The following DOCK1 variants were observed in gnomAD, a reference collection of about 807,000 sequenced individuals.
DOCK1 encodes the protein dedicator of cytokinesis 1.
In DOCK1, 138 loss-of-function variants were observed where a neutral mutation model predicts 262.7. The observed-to-expected ratio is 0.53, with a 90% confidence interval of 0.46 to 0.61. The LOEUF is 0.61. Among genes scored for constraint, DOCK1 ranks in the 20% least tolerant of loss-of-function variants. The pLI is 0.00. For synonymous variants in DOCK1, 866 were observed against 867.4 expected (o/e 1.00, Z 0.03); for missense variants, 1,908 against 2,370.7 (o/e 0.80, Z 4.05).
intron 29 of DOCK1, among the ~76,000 whole-genome samples, chr10:127,273,740 G>A (rs976948925): frequency 1.3e-5 from 2 of 152,060 alleles, no homozygotes; most frequent in African/African-American, 4.8e-5. Flanking sequence ...AAAGTTAGCC[G>A]GGTGCGATGG....
At chr10:127,433,737 G>A (rs1044291718) in intron 48 of DOCK1, among the ~76,000 whole-genome samples, 10 of 151,988 alleles carry the variant, frequency 6.6e-5, no homozygotes, top group Non-Finnish European at 1.5e-4. Flanking sequence ...GTCCACCCGC[G>A]GCCCACGGGC....
At chr10:127,367,329 T>C (rs1004238333) in intron 33 of DOCK1, among the ~76,000 whole-genome samples, 1 of 152,130 alleles carries the variant, frequency 6.6e-6, no homozygotes, top group African/African-American at 2.4e-5. Flanking sequence ...TCCTTCGGAA[T>C]AGGCTCAGCC....
At chr10:127,449,216 T>G (rs10830067) in intron 51 of DOCK1, among the ~76,000 whole-genome samples, 1 of 151,974 alleles carries the variant, frequency 6.6e-6, no homozygotes, top group Non-Finnish European at 1.5e-5. Context: ...CTTGTGAGAG[T>G]AAAAGGAGAT....
At chr10:127,150,049 G>A (rs1040296857) in intron 27 of DOCK1, among the ~76,000 whole-genome samples, 1 of 152,190 alleles carries the variant, frequency 6.6e-6, no homozygotes, top group African/African-American at 2.4e-5. Context: ...GGACTTGGCT[G>A]TAAGTTTGCA....
intron 35 of DOCK1, among the ~76,000 whole-genome samples, chr10:127,375,949 A>G (rs1252031677): frequency 6.6e-6 from 1 of 152,230 alleles, no homozygotes; most frequent in Non-Finnish European, 1.5e-5. Flanking sequence ...GATACAGAGA[A>G]CCACAGAGTG....
chr10:127,201,037 T>C (rs1402963024), intron 27 of DOCK1, among the ~76,000 whole-genome samples: 1 of 152,224 alleles, frequency 6.6e-6, no homozygotes, highest in Non-Finnish European at 1.5e-5. Flanking sequence ...CAGCCAGTGC[T>C]CAACGCCTAC....
chr10:127,273,158 G>T (rs1010759706), intron 29 of DOCK1, among the ~76,000 whole-genome samples: 3 of 152,202 alleles, frequency 2.0e-5, no homozygotes, highest in African/African-American at 7.2e-5. Flanking sequence ...GAAGTTTCCT[G>T]CAAGAGCCAG....
chr10:127,223,878 G>A (rs1193948024), intron 27 of DOCK1, among the ~76,000 whole-genome samples: 3 of 152,220 alleles, frequency 2.0e-5, no homozygotes, highest in South Asian at 2.1e-4. Flanking sequence ...TGAGGCTCAG[G>A]GTGGAGCTTG....
chr10:126,921,716 G>A (rs556587574), intron 1 of DOCK1, among the ~76,000 whole-genome samples: 2 of 152,136 alleles, frequency 1.3e-5, no homozygotes, highest in East Asian at 2.0e-4. Flanking sequence ...GCAGTGGCGC[G>A]ATCTCAACTC....
Position 127,000,315 on chromosome 10 carries a change from A to G in DOCK1, c.985+8A>G, listed in dbSNP as rs764091927. 5.6e-6 allele frequency: 9 copies of G among 1,613,072 alleles called. No homozygotes were observed. Among genetic ancestry groups the G allele is most frequent in the South Asian group, 2.2e-5 (2 of 90,922 alleles). On this transcript the variant is annotated splice_region_variant and intron_variant, in intron 10 of 51. Transcript: ENST00000623213. ...GACCTTTTGGAGTGGCTGGTAATCT[A>G]TTTCTCTGTGTTTCCTTGAGAGTTT...
intron 27 of DOCK1, among the ~76,000 whole-genome samples, chr10:127,199,298 G>C (rs567411595): frequency 6.6e-6 from 1 of 152,062 alleles, no homozygotes; most frequent in Non-Finnish European, 1.5e-5. Context: ...TGCAGGGGTT[G>C]TACAGAGAAT....
intron 1 of DOCK1, among the ~76,000 whole-genome samples, chr10:126,935,391 C>T (rs1409483978): frequency 4.6e-5 from 7 of 152,188 alleles, no homozygotes; most frequent in African/African-American, 1.7e-4. Flanking sequence ...TGGCAGCCCC[C>T]AGAGGAGTTC....
intron 23 of DOCK1, among the ~76,000 whole-genome samples, chr10:127,103,150 G>T (rs7923977): frequency 6.6e-6 from 1 of 151,948 alleles, no homozygotes; most frequent in African/African-American, 2.4e-5. Flanking sequence ...TTACTGCGTC[G>T]AGTTCCATTG....
rs114002134 is a variant in DOCK1 at position 127,375,279 on chromosome 10, A to G, written c.3675+1065A>G. ...TCTCCCTTTGCTGCTTCTCTTATAA[A>G]GAAACACAAGGGCTGACTCGTGGCC... On this transcript the variant is annotated intron_variant, in intron 35 of 51. Coordinates refer to ENST00000623213, the MANE Select transcript of DOCK1 (RefSeq NM_001290223.2). Among the ~76,000 whole-genome samples the G allele has an allele frequency of 8.4e-3, 1,277 of 152,368 alleles. 21 individuals are homozygous for G. Among genetic ancestry groups the G allele is most frequent in the African/African-American group, 0.029 (1,225 of 41,580 alleles).
At chr10:127,229,672 A>C (rs1267167347) in intron 27 of DOCK1, among the ~76,000 whole-genome samples, 1 of 152,210 alleles carries the variant, frequency 6.6e-6, no homozygotes, top group Admixed American at 6.5e-5. Flanking sequence ...GACTATTGTG[A>C]ATAACGCTAC....
chr10:126,948,439 A>G (rs968917425), intron 1 of DOCK1, among the ~76,000 whole-genome samples: 1 of 147,074 alleles, frequency 6.8e-6, no homozygotes, highest in African/African-American at 2.5e-5. Context: ...TGGTGGTAAT[A>G]CTGCTGGTGG....
At chr10:126,996,631 G>C (rs1393748424) in intron 6 of DOCK1, 117 bp from the exon 7 acceptor site, 1 of 1,060,006 alleles carries the variant, frequency 9.4e-7, no homozygotes, top group Non-Finnish European at 1.3e-6. Context: ...AATATTTTGG[G>C]CAAGCCCGAG....
At chr10:127,379,547 T>C (rs2065713631) in intron 35 of DOCK1, among the ~76,000 whole-genome samples, 1 of 152,248 alleles carries the variant, frequency 6.6e-6, no homozygotes. Flanking sequence ...AAGTGAATTA[T>C]TTATTCAATG....
rs2044817425 is a variant in DOCK1, at chr10:127,052,673, G to A, written c.2202-8G>A. 6.2e-7 allele frequency: 1 copy of A among 1,613,820 alleles called. No individual in the cohort carries two copies. Among genetic ancestry groups the A allele is most frequent in the African/African-American group, 1.3e-5 (1 of 74,896 alleles). On this transcript the variant is annotated splice_polypyrimidine_tract_variant and splice_region_variant and intron_variant, in intron 21 of 51. Transcript: ENST00000623213. ...GAGCTTATTTGTGCGTGTTTGCATTGTGAATAGGAAGTTGACAAAAGTGTT... is the reference window on the plus strand; with the variant it reads ...GAGCTTATTTGTGCGTGTTTGCATTATGAATAGGAAGTTGACAAAAGTGTT...
Sources: allele counts gnomAD v4.1 joint callset (sites outside exome capture counted in the v4.1 genomes callset), GRCh38; gene constraint gnomAD v4.1.1; transcripts MANE v1.5; gene names NCBI Gene and HGNC (gene_info 2026-07-23, HGNC 2026-07-21).